The following HFM1 variants were observed in gnomAD, a reference collection of about 807,000 sequenced individuals.
The protein encoded by HFM1 is helicase for meiosis 1.
Under a neutral mutation model 192.1 loss-of-function variants are expected in HFM1, and 169 were observed. The ratio of observed to expected loss-of-function variants is 0.88; its 90% CI spans 0.78 to 1.00. The LOEUF is 1.00. Ranked by LOEUF, HFM1 falls within the 50% of genes least tolerant of loss-of-function variation. The pLI is 0.00. For missense variants in HFM1, 1,661 were observed against 1,668.0 expected (o/e 1.00, Z 0.07); for synonymous variants, 525 against 537.8 (o/e 0.98, Z 0.33).
At position 91,380,351 on chromosome 1, in the gene HFM1, T is replaced by C. The variant is rs1328936410; in HGVS notation, c.874-115A>G. On this transcript the variant is annotated intron_variant, in intron 7 of 38. Coordinates refer to ENST00000370425, the MANE Select transcript of HFM1 (RefSeq NM_001017975.6). Reference sequence around the variant, plus strand: ...TAAGGAATAATAGTTCAAACATTTTTCCTCTAAAGTTATAAAAATTGTAAC... The same window carrying C: ...TAAGGAATAATAGTTCAAACATTTTCCCTCTAAAGTTATAAAAATTGTAAC... 9.8e-6 allele frequency: 6 copies of C among 614,822 alleles called. No individual in the cohort carries two copies. In the East Asian group the frequency reaches 1.6e-4, roughly 16 times the overall value. The allele number at this position is 614,822 out of a possible 1,614,324, so 38.1% of individuals were successfully genotyped here. A position where few individuals can be genotyped will look rare whatever the true frequency, so the allele number is the denominator to read the frequency against.
At chr1:91,349,705 C>G (rs1656671840) in intron 18 of HFM1, among the ~76,000 whole-genome samples, 1 of 152,332 alleles carries the variant, frequency 6.6e-6, no homozygotes, top group South Asian at 2.1e-4. Context: ...ATGTTGCAAT[C>G]TGAAGAGAGC....
At chr1:91,316,733 G>T (rs1281322712) in intron 25 of HFM1, among the ~76,000 whole-genome samples, 3 of 152,116 alleles carry the variant, frequency 2.0e-5, no homozygotes, top group Non-Finnish European at 4.4e-5. Context: ...CATGATGGAT[G>T]TTTAGTTCTA....
intron 6 of HFM1, 42 bp from the exon 7 acceptor site, chr1:91,381,024 A>C: frequency 1.2e-6 from 1 of 807,778 alleles, no homozygotes; most frequent in Non-Finnish European, 1.9e-6. Flanking sequence ...AGAATTTAAA[A>C]AATTAGTTAC....
At chr1:91,316,948 A>C (rs1482277461) in intron 25 of HFM1, among the ~76,000 whole-genome samples, 1 of 152,132 alleles carries the variant, frequency 6.6e-6, no homozygotes, top group Non-Finnish European at 1.5e-5. Context: ...CTACTGCCTA[A>C]AACTTCCAAT....
chr1:91,379,175 T>G lies in HFM1; in HGVS notation c.1046A>C (p.Asp349Ala). 1 of 1,610,082 alleles carries G rather than the reference T, an allele frequency of 6.2e-7. No individual in the cohort carries two copies. Among genetic ancestry groups the G allele is most frequent in the East Asian group, 2.2e-5 (1 of 44,706 alleles). Reference protein sequence around the residue: ...IKALCSQRFDDWKEKFGPIGL... With the variant: ...IKALCSQRFDAWKEKFGPIGL... Reference sequence around the variant, plus strand: ...TATTGGTCCAAATTTTTCTTTCCAGTCATCAAAACGCTGACTGCACAAGGC... The same window carrying G: ...TATTGGTCCAAATTTTTCTTTCCAGGCATCAAAACGCTGACTGCACAAGGC... The change falls in exon 9 of 39, where the codon GAC becomes GCC. Residue 349 changes from aspartate (D) to alanine (A), a missense_variant. Coordinates refer to ENST00000370425, the MANE Select transcript of HFM1 (RefSeq NM_001017975.6).
chr1:91,271,974 T>C (rs1433881830), intron 34 of HFM1, among the ~76,000 whole-genome samples: 1 of 152,204 alleles, frequency 6.6e-6, no homozygotes, highest in Non-Finnish European at 1.5e-5. Flanking sequence ...CCTTCCAATT[T>C]AAATCTTATG....
intron 13 of HFM1, among the ~76,000 whole-genome samples, chr1:91,357,632 G>C (rs1657922108): frequency 6.6e-6 from 1 of 151,852 alleles, no homozygotes; most frequent in Non-Finnish European, 1.5e-5. Context: ...AAAAATAAAA[G>C]GAATTCAAAT....
chr1:91,289,628 G>A (rs947048886), intron 30 of HFM1, among the ~76,000 whole-genome samples: 2 of 152,194 alleles, frequency 1.3e-5, no homozygotes. Context: ...GGGAGGCTGA[G>A]GCTGGCAGAA....
chr1:91,385,951 C>T (rs1662157130), intron 4 of HFM1, 117 bp from the exon 5 acceptor site: 4 of 764,378 alleles, frequency 5.2e-6, no homozygotes, highest in Admixed American at 5.3e-5. Context: ...TTTACTCAAA[C>T]AAAAAAGCTA....
chr1:91,280,337 G>C (rs758297538), intron 30 of HFM1, among the ~76,000 whole-genome samples: 1 of 152,166 alleles, frequency 6.6e-6, no homozygotes, highest in African/African-American at 2.4e-5. Context: ...GAAACTGAAA[G>C]GTCAATATGA....
chr1:91,264,257 CT>C (rs1665454539), intron 36 of HFM1, among the ~76,000 whole-genome samples: 1 of 151,534 alleles, frequency 6.6e-6, no homozygotes. Flanking sequence ...AAAGTCGCCC[CT>C]AGCTCTGGAA....
chr1:91,325,282 G>A (rs1303542944), intron 20 of HFM1, among the ~76,000 whole-genome samples: 1 of 152,150 alleles, frequency 6.6e-6, no homozygotes. Context: ...CTCTCAGACA[G>A]TCTCTCAGAC....
intron 30 of HFM1, among the ~76,000 whole-genome samples, chr1:91,297,639 C>A (rs974894759): frequency 6.6e-6 from 1 of 152,234 alleles, no homozygotes; most frequent in African/African-American, 2.4e-5. Flanking sequence ...TCACCAATAT[C>A]TGCTGTTCTG....
intron 20 of HFM1, 135 bp downstream of exon 20, chr1:91,343,295 C>T: frequency 2.5e-6 from 1 of 405,252 alleles, no homozygotes; most frequent in Non-Finnish European, 4.6e-6. Flanking sequence ...ATGCCTATGG[C>T]TAATAATGAT....
intron 4 of HFM1, among the ~76,000 whole-genome samples, chr1:91,390,947 C>T (rs763410022): frequency 6.6e-6 from 1 of 152,162 alleles, no homozygotes; most frequent in African/African-American, 2.4e-5. Flanking sequence ...CACAAGTATT[C>T]CTGTACACCA....
intron 34 of HFM1, among the ~76,000 whole-genome samples, chr1:91,269,757 G>C (rs939609299): frequency 6.6e-6 from 1 of 152,174 alleles, no homozygotes; most frequent in African/African-American, 2.4e-5. Context: ...AGAGTAGTCG[G>C]AATTTCAGCT....
rs777779900 is a variant in HFM1 at position 91,394,081 on chromosome 1, TATA to T, written c.494+9_494+11del. 2 of 1,355,044 alleles carry T rather than the reference TATA, an allele frequency of 1.5e-6. No homozygotes were observed. Among genetic ancestry groups the T allele is most frequent in the Non-Finnish European group, 2.0e-6 (2 of 980,676 alleles). 83.9% of individuals were successfully genotyped at this position (1,355,044 alleles called of 1,614,324 possible). A position where few individuals can be genotyped will look rare whatever the true frequency, so the allele number is the denominator to read the frequency against. On this transcript the variant is annotated intron_variant, in intron 4 of 38. Coordinates refer to ENST00000370425, the MANE Select transcript of HFM1 (RefSeq NM_001017975.6). ...TTCACAGAATATTATTTAGTTTAAT[TATA>T]ATAATTACCTTTTCCGGAATACTGA... is the stretch of plus-strand genomic sequence containing the variant.
intron 1 of HFM1, 66 bp downstream of exon 1, chr1:91,404,732 A>G (rs768427342): frequency 3.0e-5 from 13 of 430,478 alleles, no homozygotes; most frequent in Non-Finnish European, 5.1e-5. Flanking sequence ...CTGGGTCCCC[A>G]CTTCCCCGCG....
At chr1:91,350,662 C>A in intron 18 of HFM1, 76 bp downstream of exon 18, 3 of 1,344,452 alleles carry the variant, frequency 2.2e-6, no homozygotes, top group Non-Finnish European at 3.1e-6. Flanking sequence ...ATCTATCTAT[C>A]CTGTAACTTA....
Sources: allele counts gnomAD v4.1 joint callset (sites outside exome capture counted in the v4.1 genomes callset), GRCh38; gene constraint gnomAD v4.1.1; transcripts MANE v1.5; gene names NCBI Gene and HGNC (gene_info 2026-07-23, HGNC 2026-07-21).